CNTNAP2: variants seen among roughly 807,000 people sequenced by gnomAD.
CNTNAP2 encodes the protein contactin associated protein 2.
Under a neutral mutation model 155.2 loss-of-function variants are expected in CNTNAP2, and 98 were observed. That is an observed-to-expected ratio of 0.63 (90% CI 0.54 to 0.75). The LOEUF is 0.75. Ranked by LOEUF, CNTNAP2 falls within the 30% of genes least tolerant of loss-of-function variation. The probability of loss-of-function intolerance (pLI) is 0.00; values close to 1 mark genes in which losing one functional copy is unlikely to be tolerated. For missense variants in CNTNAP2, 1,727 were observed against 1,688.1 expected (o/e 1.02, Z -0.40); for synonymous variants, 651 against 631.2 (o/e 1.03, Z -0.47).
At chr7:146,957,340 C>G (rs1000354477) in intron 3 of CNTNAP2, among the ~76,000 whole-genome samples, 1 of 151,960 alleles carries the variant, frequency 6.6e-6, no homozygotes, top group South Asian at 2.1e-4. Flanking sequence ...TTTTCAGTTC[C>G]CCTATAATCT....
intron 13 of CNTNAP2, among the ~76,000 whole-genome samples, chr7:147,757,200 C>T (rs1419311588): frequency 1.3e-5 from 2 of 152,168 alleles, no homozygotes; most frequent in Non-Finnish European, 2.9e-5. Flanking sequence ...GACAGTCAGG[C>T]ACCAATCCTC....
chr7:148,296,545 CAAAAAAA>C lies in CNTNAP2; in HGVS notation c.3475+29436_3475+29442del, dbSNP rs143609414. 7.4e-4 allele frequency among the ~76,000 whole-genome samples: 57 copies of C among 76,602 alleles called. 1 individual carries two copies. The East Asian group carries it at 0.014, about 18-fold the overall frequency. 50.3% of individuals were successfully genotyped at this position (76,602 alleles called of 152,430 possible). ...TGGGAAACAGAGCAAGACTCTGTCTCAAAAAAAAAAAAAAAAAAAAAAATTATCCCGT... is the reference window on the plus strand; with the variant it reads ...TGGGAAACAGAGCAAGACTCTGTCTCAAAAAAAAAAAAAAAATTATCCCGT... On this transcript the variant is annotated intron_variant, in intron 21 of 23. Transcript: ENST00000361727.
chr7:147,708,518 G>A (rs1796352396), intron 13 of CNTNAP2, among the ~76,000 whole-genome samples: 1 of 152,128 alleles, frequency 6.6e-6, no homozygotes, highest in Non-Finnish European at 1.5e-5. Flanking sequence ...CAGAGGGTGT[G>A]ACTCAGCTTG....
intron 17 of CNTNAP2, among the ~76,000 whole-genome samples, chr7:148,153,016 G>A (rs569324176): frequency 7.0e-5 from 5 of 70,930 alleles, no homozygotes; most frequent in Admixed American, 5.0e-4. Flanking sequence ...GCAAGACTCC[G>A]TCTCAAAAAA....
chr7:146,226,919 T>G (rs905787287), intron 1 of CNTNAP2, among the ~76,000 whole-genome samples: 1 of 152,176 alleles, frequency 6.6e-6, no homozygotes, highest in Non-Finnish European at 1.5e-5. Context: ...CTTCATTACT[T>G]TAAGAAATGT....
Position 147,132,460 on chromosome 7 carries a change from T to C in CNTNAP2, c.1299T>C (p.Val433=), listed in dbSNP as rs1315845582. The C allele has an allele frequency of 1.2e-6, 2 of 1,613,580 alleles. No individual in the cohort carries two copies. Among genetic ancestry groups the C allele is most frequent in the Non-Finnish European group, 1.7e-6 (2 of 1,179,740 alleles). Residue 433 remains valine (V), a synonymous_variant, in exon 8 of 24, where the codon GTT becomes GTC. Coordinates refer to ENST00000361727, the MANE Select transcript of CNTNAP2 (RefSeq NM_014141.6). ...ACCTCACTGAAAGCAAAGTGGGTGT[T>C]CACATCAACATCACACAGACCAAGA... ...EIDLTESKVG[V]HINITQTKMS...
intron 21 of CNTNAP2, among the ~76,000 whole-genome samples, chr7:148,304,067 A>G (rs987030394): frequency 6.6e-6 from 1 of 152,236 alleles, no homozygotes; most frequent in Non-Finnish European, 1.5e-5. Flanking sequence ...CAGAGGGTAG[A>G]AGAGAAGTCA....
intron 20 of CNTNAP2, among the ~76,000 whole-genome samples, chr7:148,238,147 G>A (rs377206302): frequency 8.0e-4 from 122 of 152,218 alleles, no homozygotes; most frequent in Admixed American, 1.4e-3. Flanking sequence ...TCAAGAGATC[G>A]AGACCATCCT....
chr7:147,923,153 T>C (rs577543026), intron 14 of CNTNAP2, among the ~76,000 whole-genome samples: 8 of 152,316 alleles, frequency 5.3e-5, no homozygotes, highest in Admixed American at 5.2e-4. Flanking sequence ...CAATAATCCC[T>C]TTCCCAGTGT....
intron 1 of CNTNAP2, among the ~76,000 whole-genome samples, chr7:146,686,988 G>T (rs1299868614): frequency 6.6e-6 from 1 of 152,066 alleles, no homozygotes; most frequent in Admixed American, 6.6e-5. Flanking sequence ...CAATTATTCT[G>T]CCAATAAGGT....
At chr7:147,514,690 T>A (rs1016140468) in intron 11 of CNTNAP2, among the ~76,000 whole-genome samples, 1 of 151,714 alleles carries the variant, frequency 6.6e-6, no homozygotes, top group African/African-American at 2.4e-5. Context: ...TAAGAACTTA[T>A]CCACAGTGAG....
intron 8 of CNTNAP2, among the ~76,000 whole-genome samples, chr7:147,258,133 G>A (rs551497831): frequency 6.6e-6 from 1 of 152,296 alleles, no homozygotes; most frequent in African/African-American, 2.4e-5. Flanking sequence ...AACCCTGTTG[G>A]TGAAATCACT....
intron 23 of CNTNAP2, among the ~76,000 whole-genome samples, chr7:148,410,565 CA>C (rs56258191): frequency 0.049 from 5,483 of 112,720 alleles, 171 homozygotes; most frequent in African/African-American, 0.14. Context: ...AGACCTTTCT[CA>C]AAAAAAAAAA....
chr7:146,812,198 G>T, intron 2 of CNTNAP2, among the ~76,000 whole-genome samples: 1 of 152,000 alleles, frequency 6.6e-6, no homozygotes, highest in Non-Finnish European at 1.5e-5. Context: ...CTTCCTAGAG[G>T]CTTGTTGAAT....
chr7:147,344,085 C>T (rs962317502), intron 9 of CNTNAP2, among the ~76,000 whole-genome samples: 1 of 152,090 alleles, frequency 6.6e-6, no homozygotes. Flanking sequence ...TGAAAAGATA[C>T]CATAGCTAAA....
At chr7:146,306,826 T>C (rs1322963713) in intron 1 of CNTNAP2, among the ~76,000 whole-genome samples, 1 of 152,122 alleles carries the variant, frequency 6.6e-6, no homozygotes, top group Non-Finnish European at 1.5e-5. Flanking sequence ...TTGATGTACA[T>C]ATCTCAAAAT....
chr7:146,632,209 G>A (rs932501236), intron 1 of CNTNAP2, among the ~76,000 whole-genome samples: 1 of 152,118 alleles, frequency 6.6e-6, no homozygotes, highest in African/African-American at 2.4e-5. Flanking sequence ...GATTCTTAGT[G>A]ATTGTATTTT....
At chr7:148,004,642 C>T (rs1195733340) in intron 15 of CNTNAP2, among the ~76,000 whole-genome samples, 2 of 152,116 alleles carry the variant, frequency 1.3e-5, no homozygotes, top group Non-Finnish European at 2.9e-5. Context: ...CAGTGGAGTA[C>T]CTATTTAAAA....
At chr7:147,300,862 T>C (rs1459499577) in intron 9 of CNTNAP2, among the ~76,000 whole-genome samples, 2 of 151,840 alleles carry the variant, frequency 1.3e-5, no homozygotes, top group Non-Finnish European at 2.9e-5. Flanking sequence ...CTTCTTCAAG[T>C]AGCCTCTCCC....
Sources: gnomAD v4.1 joint callset for allele counts (sites outside exome capture counted in the v4.1 genomes callset) on GRCh38, gnomAD v4.1.1 for gene constraint, MANE v1.5 for transcripts, NCBI Gene and HGNC (gene_info 2026-07-23, HGNC 2026-07-21) for gene names.